The following TASP1 variants were observed in gnomAD, a reference collection of about 807,000 sequenced individuals.
TASP1 encodes the protein threonine aspartase 1.
A neutral mutation model predicts 56.6 loss-of-function variants in TASP1; 16 were observed. The observed-to-expected ratio is 0.28, with a 90% CI of 0.19 to 0.43. TASP1 has a LOEUF of 0.43. Ranked by LOEUF, TASP1 falls within the 20% of genes least tolerant of loss-of-function variation. The pLI is 1.00. For missense variants in TASP1, 393 were observed against 511.6 expected, an observed-to-expected ratio of 0.77 and a Z score of 2.24; for synonymous variants, 179 against 184.2, an observed-to-expected ratio of 0.97 and a Z score of 0.23.
intron 5 of TASP1, among the ~76,000 whole-genome samples, chr20:13,581,210 C>G (rs2047114704): frequency 6.6e-6 from 1 of 152,088 alleles, no homozygotes; most frequent in South Asian, 2.1e-4. Flanking sequence ...TACATATTCT[C>G]ATGTTTTGTC....
chr20:13,520,857 T>G (rs959435218), intron 10 of TASP1, among the ~76,000 whole-genome samples: 7 of 151,814 alleles, frequency 4.6e-5, no homozygotes, highest in South Asian at 2.1e-4. Flanking sequence ...TGGGAGAAAA[T>G]TTTTGCAATC....
At position 13,604,974 on chromosome 20, in the gene TASP1, T is replaced by C. The variant is rs879560733; in HGVS notation, c.283-17604A>G. 2.2e-5 allele frequency among the ~76,000 whole-genome samples: 3 copies of C among 137,356 alleles called. No homozygotes were observed. The Admixed American group carries it at 2.4e-4, about 11-fold the overall frequency. The allele number at this position is 137,356 out of a possible 152,430, so 90.1% of individuals were successfully genotyped here. On this transcript the variant is annotated intron_variant, in intron 4 of 13. Coordinates refer to ENST00000337743, the MANE Select transcript of TASP1 (RefSeq NM_017714.3). ...CACATAAATTCACATAAAGTCTACATAAAGACATAATACATATATATATAT... is the reference window on the plus strand; with the variant it reads ...CACATAAATTCACATAAAGTCTACACAAAGACATAATACATATATATATAT...
chr20:13,623,297 A>G (rs2147531031), intron 4 of TASP1, 149 bp downstream of exon 4: 2 of 511,048 alleles, frequency 3.9e-6, no homozygotes, highest in Non-Finnish European at 6.9e-6. Flanking sequence ...GAAAACAACA[A>G]TATCATAGGC....
At chr20:13,253,876 T>C in the TASP1 span, among the ~76,000 whole-genome samples, 1 of 100,040 alleles carries the variant, frequency 1.0e-5, no homozygotes, top group East Asian at 3.5e-4. Flanking sequence ...TATATATATA[T>C]ATGTGTGTGT....
At chr20:13,179,766 T>C in the TASP1 span, among the ~76,000 whole-genome samples, 1 of 152,270 alleles carries the variant, frequency 6.6e-6, no homozygotes, top group South Asian at 2.1e-4. Context: ...CCTCCACAGC[T>C]GTTTACCCCG....
chr20:13,272,248 C>A, the TASP1 span, among the ~76,000 whole-genome samples: 3 of 152,214 alleles, frequency 2.0e-5, no homozygotes, highest in Non-Finnish European at 4.4e-5. Context: ...CAGACTAACA[C>A]CCTCTGCATG....
chr20:13,112,904 C>A, the TASP1 span, among the ~76,000 whole-genome samples: 1 of 152,150 alleles, frequency 6.6e-6, no homozygotes, highest in Non-Finnish European at 1.5e-5. Context: ...CCCATAAGGC[C>A]AGGTGCAGTG....
At chr20:13,395,402 T>C (rs1326422519) in intron 13 of TASP1, among the ~76,000 whole-genome samples, 1 of 152,220 alleles carries the variant, frequency 6.6e-6, no homozygotes, top group Non-Finnish European at 1.5e-5. Context: ...CCACTTTCCC[T>C]TCTCCTGTTA....
chr20:13,119,547 T>C, the TASP1 span, among the ~76,000 whole-genome samples: 103 of 152,350 alleles, frequency 6.8e-4, 1 homozygote, highest in East Asian at 0.016. Context: ...GTACATCTGT[T>C]CATTTTCTTA....
At chr20:13,318,732 T>A in the TASP1 span, among the ~76,000 whole-genome samples, 1 of 152,076 alleles carries the variant, frequency 6.6e-6, no homozygotes. Flanking sequence ...CATGAGAAAA[T>A]ATTTTTTGAA....
the TASP1 span, among the ~76,000 whole-genome samples, chr20:13,116,374 C>T: frequency 2.1e-4 from 32 of 152,244 alleles, no homozygotes; most frequent in African/African-American, 6.5e-4. Context: ...TGTGTGTTTT[C>T]GTACAACTTG....
chr20:13,219,185 A>G, the TASP1 span, among the ~76,000 whole-genome samples: 311 of 152,286 alleles, frequency 2.0e-3, 1 homozygote, highest in African/African-American at 7.1e-3. Context: ...TGGCAATAGG[A>G]AAGTCATTTG....
the TASP1 span, among the ~76,000 whole-genome samples, chr20:13,233,393 C>T: frequency 2.0e-5 from 3 of 151,880 alleles, no homozygotes; most frequent in Non-Finnish European, 2.9e-5. Context: ...GTCGGGAGTT[C>T]GAGACCAGCC....
chr20:13,247,559 TA>T, the TASP1 span, among the ~76,000 whole-genome samples: 1 of 140,872 alleles, frequency 7.1e-6, no homozygotes, highest in Middle Eastern at 3.7e-3. Context: ...TGTGTGTGTG[TA>T]GGTAGGTAGG....
chr20:13,508,573 T>C (rs2044213700), intron 10 of TASP1, among the ~76,000 whole-genome samples: 1 of 152,154 alleles, frequency 6.6e-6, no homozygotes, highest in Admixed American at 6.5e-5. Context: ...AGATAAAGGA[T>C]ACTCAATCTG....
intron 12 of TASP1, among the ~76,000 whole-genome samples, chr20:13,433,857 A>C (rs1003248318): frequency 6.6e-6 from 1 of 151,578 alleles, no homozygotes; most frequent in Non-Finnish European, 1.5e-5. Flanking sequence ...AAAAAAAAAA[A>C]AAACAGAAGA....
At chr20:13,255,206 G>A in the TASP1 span, among the ~76,000 whole-genome samples, 1 of 152,346 alleles carries the variant, frequency 6.6e-6, no homozygotes. Flanking sequence ...TTTAAGCTGA[G>A]ACTTGAAGGA....
chr20:13,610,312 G>T (rs1349482901), intron 4 of TASP1, among the ~76,000 whole-genome samples: 3 of 152,170 alleles, frequency 2.0e-5, no homozygotes, highest in African/African-American at 7.2e-5. Context: ...CATAATATAT[G>T]ATTCCATTTA....
chr20:13,609,897 G>C (rs2048293072), intron 4 of TASP1, among the ~76,000 whole-genome samples: 1 of 152,114 alleles, frequency 6.6e-6, no homozygotes. Context: ...GAAACAAACT[G>C]TGATAGATAC....
Sources: allele counts gnomAD v4.1 joint callset (sites outside exome capture counted in the v4.1 genomes callset), GRCh38; gene constraint gnomAD v4.1.1; transcripts MANE v1.5; gene names NCBI Gene and HGNC (gene_info 2026-07-23, HGNC 2026-07-21).